CCNK: variants seen among roughly 807,000 people sequenced by gnomAD.
The protein encoded by CCNK is cyclin K.
CCNK carries 9 observed loss-of-function variants against 65.0 expected under a neutral mutation model. The observed-to-expected ratio is 0.14, with a 90% CI of 0.08 to 0.24. The LOEUF is 0.24. Ranked by LOEUF, CCNK falls within the 10% of genes least tolerant of loss-of-function variation. The pLI, the probability that CCNK is intolerant of heterozygous loss-of-function variation, is 1.00. For missense variants in CCNK, 474 were observed against 720.0 expected (o/e 0.66, Z 3.91); for synonymous variants, 279 against 270.8 (o/e 1.03, Z -0.30).
rs987209352 is a variant in CCNK, at chr14:99,509,510, ACACGCAGCACGCACAGACATGCAGCACG to A, written c.1118-631_1118-604del. ...CCTGCTGCACACGCAGCACGCACAC[ACACGCAGCACGCACAGACATGCAGCACG>A]CACGCAGCACGCACACGCACACACA... On this transcript the variant is annotated intron_variant, in intron 10 of 10. Transcript: ENST00000389879. 4.4e-4 allele frequency: 67 copies of A among 152,104 alleles called. 1 individual carries two copies. The South Asian group carries it at 9.7e-3, about 22-fold the overall frequency. 9.4% of individuals were successfully genotyped at this position (152,104 alleles called of 1,614,324 possible).
rs144468137 is a variant in CCNK at position 99,491,641 on chromosome 14, G to T, written c.-52-985G>T. Among the ~76,000 whole-genome samples, 84 of 152,326 alleles carry T rather than the reference G, an allele frequency of 5.5e-4. 1 individual carries two copies. In the East Asian group the frequency reaches 0.015, roughly 28 times the overall value. ...CAGATTTCCTTCAGAGCTACCAGGT[G>T]CAAGGAGGAGAATATTCAGCCCCAC... On this transcript the variant is annotated intron_variant, in intron 1 of 10. Transcript: ENST00000389879.
Position 99,502,914 on chromosome 14 carries a change from A to G in CCNK, c.941A>G (p.Gln314Arg). The G allele has an allele frequency of 1.2e-6, 2 of 1,613,800 alleles. No individual in the cohort carries two copies. Among genetic ancestry groups the G allele is most frequent in the Non-Finnish European group, 1.7e-6 (2 of 1,179,796 alleles). Reference sequence around the variant, plus strand: ...GACCCCCAGCAACCAGCCCAGCAGCAGCAGCCAGCCCAACAGCCCAAGAAA... The same window carrying G: ...GACCCCCAGCAACCAGCCCAGCAGCGGCAGCCAGCCCAACAGCCCAAGAAA... Reference protein sequence around the residue: ...QKDPQQPAQQQQPAQQPKKPS... With the variant: ...QKDPQQPAQQRQPAQQPKKPS... Residue 314 changes from glutamine to arginine, a missense_variant, in exon 8 of 11, where the codon CAG becomes CGG. By Grantham distance (43) the Gln-to-Arg change is conservative. Coordinates refer to ENST00000389879, the MANE Select transcript of CCNK (RefSeq NM_001099402.2).
chr14:99,485,787 G>A (rs989594748), intron 1 of CCNK, among the ~76,000 whole-genome samples: 2 of 152,100 alleles, frequency 1.3e-5, no homozygotes, highest in African/African-American at 4.8e-5. Context: ...TTGAACCCTG[G>A]AGGCGGGAGG....
At chr14:99,503,551 A>G (rs1187811769) in intron 8 of CCNK, 60 bp from the exon 9 acceptor site, 2 of 1,452,002 alleles carry the variant, frequency 1.4e-6, no homozygotes, top group Non-Finnish European at 1.9e-6. Flanking sequence ...TGGATAATCC[A>G]TTTTTTTCTC....
intron 1 of CCNK, 64 bp from the exon 2 acceptor site, chr14:99,492,562 A>G (rs1384655987): frequency 3.6e-6 from 3 of 836,310 alleles, no homozygotes; most frequent in South Asian, 1.8e-5. Context: ...GGTACAATCT[A>G]TGATTCTAGA....
intron 1 of CCNK, among the ~76,000 whole-genome samples, chr14:99,491,599 C>T (rs1407260741): frequency 6.6e-6 from 1 of 152,172 alleles, no homozygotes; most frequent in Non-Finnish European, 1.5e-5. Flanking sequence ...CTTAATTCTT[C>T]CTCTTGGAGG....
intron 4 of CCNK, among the ~76,000 whole-genome samples, chr14:99,497,805 A>C (rs2139864657): frequency 6.6e-6 from 1 of 152,224 alleles, no homozygotes; most frequent in East Asian, 1.9e-4. Context: ...TTTTCTAAGT[A>C]TTGCCAATGT....
At chr14:99,507,888 G>T (rs748299090) in intron 10 of CCNK, 3 of 152,226 alleles carry the variant, frequency 2.0e-5, no homozygotes, top group East Asian at 1.9e-4. Context: ...CTCTGATACC[G>T]CTGGCAATAG....
At position 99,510,479 on chromosome 14, in the gene CCNK, C is replaced by T. The variant is rs773061731; in HGVS notation, c.1440C>T (p.Pro480=). ...CCTACCACCCCCATGTCTACCCGCCCAACCCGCCCCCGCCACCTGTGCCTC... is the reference window on the plus strand; with the variant it reads ...CCTACCACCCCCATGTCTACCCGCCTAACCCGCCCCCGCCACCTGTGCCTC... ...HLPYHPHVYP[P]NPPPPPVPPP... is the part of the protein sequence containing the mutation. The change falls in exon 11 of 11, where the codon CCC becomes CCT. Residue 480 remains proline (P), a synonymous_variant. Coordinates refer to ENST00000389879, the MANE Select transcript of CCNK (RefSeq NM_001099402.2). 1.7e-5 allele frequency: 22 copies of T among 1,302,890 alleles called. No individual in the cohort carries two copies. The East Asian group carries it at 5.7e-4, about 34-fold the overall frequency. 80.7% of individuals were successfully genotyped at this position (1,302,890 alleles called of 1,614,324 possible).
At chr14:99,510,078 G>A in intron 10 of CCNK, 79 bp from the exon 11 acceptor site, 19 of 1,396,662 alleles carry the variant, frequency 1.4e-5, no homozygotes, top group Non-Finnish European at 1.7e-5. Flanking sequence ...CTGTAAAGAT[G>A]GCCCTGAAGG....
intron 4 of CCNK, chr14:99,500,398 G>A (rs182602757): frequency 9.8e-6 from 2 of 205,042 alleles, no homozygotes; most frequent in Admixed American, 1.1e-4. Flanking sequence ...ATTCCTAAAA[G>A]ATTGCATTTT....
At chr14:99,489,198 T>C (rs916892340) in intron 1 of CCNK, among the ~76,000 whole-genome samples, 1 of 152,216 alleles carries the variant, frequency 6.6e-6, no homozygotes. Flanking sequence ...TACAGATTTG[T>C]TTCTTAACAT....
intron 1 of CCNK, among the ~76,000 whole-genome samples, chr14:99,483,791 C>G (rs1169747759): frequency 6.6e-6 from 1 of 152,148 alleles, no homozygotes; most frequent in Admixed American, 6.5e-5. Context: ...TGATGTAAGC[C>G]TGGGGAGATG....
At chr14:99,491,036 T>C (rs982018797) in intron 1 of CCNK, among the ~76,000 whole-genome samples, 2 of 152,126 alleles carry the variant, frequency 1.3e-5, no homozygotes, top group African/African-American at 2.4e-5. Context: ...AATTTCTCCA[T>C]CCAGTACTTA....
intron 1 of CCNK, among the ~76,000 whole-genome samples, chr14:99,483,796 G>T (rs546265681): frequency 6.6e-6 from 1 of 152,218 alleles, no homozygotes; most frequent in Non-Finnish European, 1.5e-5. Context: ...TAAGCCTGGG[G>T]AGATGTCTTT....
In CCNK at chr14:99,493,611, T is replaced by G. The variant is rs370178226; in HGVS notation, c.279+16T>G. 9 of 1,489,498 alleles carry G rather than the reference T, an allele frequency of 6.0e-6. No homozygotes were observed. The African/African-American group carries it at 6.9e-5, about 11-fold the overall frequency. The allele number at this position is 1,489,498 out of a possible 1,614,324, so 92.3% of individuals were successfully genotyped here. A position where few individuals can be genotyped will look rare whatever the true frequency, so the allele number is the denominator to read the frequency against. On this transcript the variant is annotated intron_variant, in intron 3 of 10. Coordinates refer to ENST00000389879, the MANE Select transcript of CCNK (RefSeq NM_001099402.2). ...CCCAAGATATGTAAGTGTTTGAATTTTATTGTAATTCTCTGTCATATGTTA... is the reference window on the plus strand; with the variant it reads ...CCCAAGATATGTAAGTGTTTGAATTGTATTGTAATTCTCTGTCATATGTTA...
At position 99,512,038 on chromosome 14, in the gene CCNK, G is replaced by T. The variant is rs1897142850; in HGVS notation, c.*1256G>T. On this transcript the variant is annotated 3_prime_UTR_variant, in exon 11 of 11. Coordinates refer to ENST00000389879, the MANE Select transcript of CCNK (RefSeq NM_001099402.2). Reference sequence around the variant, plus strand: ...CAAGCACTGAGCACCCAGCCAGGAGGCTCACAAAGAGGCCTTTATTTATCT... The same window carrying T: ...CAAGCACTGAGCACCCAGCCAGGAGTCTCACAAAGAGGCCTTTATTTATCT... The T allele has an allele frequency of 6.6e-6, 1 of 152,224 alleles. No individual in the cohort carries two copies. Among genetic ancestry groups the T allele is most frequent in the Non-Finnish European group, 1.5e-5 (1 of 68,046 alleles). The allele number at this position is 152,224 out of a possible 1,614,324, so 9.4% of individuals were successfully genotyped here. A position where few individuals can be genotyped will look rare whatever the true frequency, so the allele number is the denominator to read the frequency against.
At chr14:99,503,084 A>C (rs1258998499) in intron 8 of CCNK, 100 bp downstream of exon 8, 2 of 1,339,856 alleles carry the variant, frequency 1.5e-6, no homozygotes, top group East Asian at 2.3e-5. Context: ...GGAACACCGG[A>C]AGCAGGGGGT....
chr14:99,495,689 G>A, intron 4 of CCNK, 60 bp downstream of exon 4: 1 of 1,448,246 alleles, frequency 6.9e-7, no homozygotes, highest in South Asian at 1.4e-5. Flanking sequence ...GTATTGTACA[G>A]TTCCACATGT....
Sources: gnomAD v4.1 joint callset for allele counts (sites outside exome capture counted in the v4.1 genomes callset) on GRCh38, gnomAD v4.1.1 for gene constraint, MANE v1.5 for transcripts, NCBI Gene and HGNC (gene_info 2026-07-23, HGNC 2026-07-21) for gene names.